MARCHF6: variants seen among roughly 807,000 people sequenced by gnomAD.
MARCHF6 encodes E3 ubiquitin-protein ligase MARCHF6.
A neutral mutation model predicts 133.7 loss-of-function variants in MARCHF6; 31 were observed. The observed-to-expected ratio is 0.23, with a 90% CI of 0.17 to 0.31. MARCHF6 has a LOEUF of 0.31. MARCHF6 is among the 10% of genes least tolerant of loss of function. MARCHF6 has a pLI of 1.00. For missense variants in MARCHF6, 723 were observed against 1,121.6 expected (o/e 0.64, Z 5.08); for synonymous variants, 395 against 402.5 (o/e 0.98, Z 0.22).
rs575196173 is a variant in MARCHF6, at chr5:10,374,995, T to C, written c.20-2803T>C. 5.3e-5 allele frequency among the ~76,000 whole-genome samples: 8 copies of C among 152,336 alleles called. No individual in the cohort carries two copies. In the East Asian group the frequency reaches 1.5e-3, roughly 29 times the overall value. ...GAGATTTTGAGAGGTGACAGCATGC[T>C]GGCAGTCCTCACAGCCCTCGCTTGC... On this transcript the variant is annotated intron_variant, in intron 1 of 25. Transcript: ENST00000274140.
intron 15 of MARCHF6, 25 bp from the exon 16 acceptor site, chr5:10,405,533 C>A: frequency 6.4e-7 from 1 of 1,570,370 alleles, no homozygotes; most frequent in Non-Finnish European, 8.6e-7. Context: ...GGTGAATATT[C>A]ATAGTATTTA....
intron 22 of MARCHF6, among the ~76,000 whole-genome samples, chr5:10,422,256 G>A (rs1739864239): frequency 2.0e-5 from 3 of 152,166 alleles, no homozygotes; most frequent in Admixed American, 2.0e-4. Context: ...ATGTTTTGGA[G>A]GAAACATCTA....
chr5:10,413,000 G>A (rs1299002825), intron 19 of MARCHF6, among the ~76,000 whole-genome samples: 1 of 152,126 alleles, frequency 6.6e-6, no homozygotes, highest in Non-Finnish European at 1.5e-5. Flanking sequence ...GGAGTGGTGG[G>A]AGATAACGCT....
rs1398425437 is a variant in MARCHF6 at position 10,391,625 on chromosome 5, A to G, written c.660A>G (p.Glu220=). ...NPPAENAVVG[E]NPDAQDDQAE... is the part of the protein sequence containing the mutation. ...CAGCTGAGAACGCAGTGGTGGGGGA[A>G]AACCCTGATGCCCAGGATGACCAGG... The change falls in exon 7 of 26, where the codon GAA becomes GAG. Residue 220 remains glutamate, a synonymous_variant. Transcript: ENST00000274140. 3.1e-6 allele frequency: 5 copies of G among 1,612,724 alleles called. No individual in the cohort carries two copies. Among genetic ancestry groups the G allele is most frequent in the East Asian group, 2.2e-5 (1 of 44,750 alleles).
chr5:10,384,104 G>GA (rs1737326337), intron 4 of MARCHF6, among the ~76,000 whole-genome samples: 3 of 151,984 alleles, frequency 2.0e-5, no homozygotes, highest in Non-Finnish European at 2.9e-5. Context: ...TGGCCGTACA[G>GA]AAAAAAAGAA....
chr5:10,420,152 G>T (rs1450656513), intron 22 of MARCHF6, among the ~76,000 whole-genome samples: 1 of 152,144 alleles, frequency 6.6e-6, no homozygotes, highest in East Asian at 1.9e-4. Context: ...GGCTTCTTAC[G>T]TTGTAGTTCA....
chr5:10,376,944 G>A (rs139262090), intron 1 of MARCHF6, among the ~76,000 whole-genome samples: 2 of 152,262 alleles, frequency 1.3e-5, no homozygotes, highest in African/African-American at 4.8e-5. Context: ...AGGCCACTAG[G>A]GATTGGCTCT....
chr5:10,426,619 T>C (rs986196787), intron 24 of MARCHF6, 97 bp downstream of exon 24: 10 of 1,286,338 alleles, frequency 7.8e-6, no homozygotes, highest in Admixed American at 7.0e-5. Flanking sequence ...CTCCATATGC[T>C]TTATTTGTAA....
intron 7 of MARCHF6, among the ~76,000 whole-genome samples, chr5:10,392,099 C>T (rs945681628): frequency 6.6e-6 from 1 of 151,974 alleles, no homozygotes. Flanking sequence ...GCTGGGACAA[C>T]AGGCGCTCGC....
intron 1 of MARCHF6, among the ~76,000 whole-genome samples, chr5:10,372,908 C>G (rs1736553611): frequency 6.6e-6 from 1 of 151,972 alleles, no homozygotes; most frequent in Non-Finnish European, 1.5e-5. Context: ...AAAAAGAAGT[C>G]TTAGGGGCTG....
intron 9 of MARCHF6, among the ~76,000 whole-genome samples, chr5:10,396,649 G>A (rs910282134): frequency 6.6e-6 from 1 of 152,192 alleles, no homozygotes; most frequent in African/African-American, 2.4e-5. Flanking sequence ...GTCAGTGTCA[G>A]CATGGGGCAT....
chr5:10,380,848 A>G (rs952497438), intron 3 of MARCHF6, among the ~76,000 whole-genome samples: 1 of 151,622 alleles, frequency 6.6e-6, no homozygotes, highest in Non-Finnish European at 1.5e-5. Context: ...AATCACTTGA[A>G]CCTGGGAGGC....
intron 5 of MARCHF6, among the ~76,000 whole-genome samples, chr5:10,388,318 CTTT>C (rs1418215420): frequency 6.6e-6 from 1 of 152,120 alleles, no homozygotes. Context: ...GACCAAACTA[CTTT>C]TTTTCTGAGT....
Position 10,353,829 on chromosome 5 carries a change from C to T in MARCHF6, c.-70C>T. 12 of 1,454,666 alleles carry T rather than the reference C, an allele frequency of 8.2e-6. No individual in the cohort carries two copies. The highest frequency in any genetic ancestry group is 1.1e-5 in the Non-Finnish European group (12 of 1,071,946). The allele number at this position is 1,454,666 out of a possible 1,614,324, so 90.1% of individuals were successfully genotyped here. A position where few individuals can be genotyped will look rare whatever the true frequency, so the allele number is the denominator to read the frequency against. On this transcript the variant is annotated 5_prime_UTR_variant, in exon 1 of 26. Coordinates refer to ENST00000274140, the MANE Select transcript of MARCHF6 (RefSeq NM_005885.4). ...TGCCCGGGCCCGGCTCCCTCCTCCTCTCCCCTCCCTCTTTCCCCGCCCGGC... is the reference window on the plus strand; with the variant it reads ...TGCCCGGGCCCGGCTCCCTCCTCCTTTCCCCTCCCTCTTTCCCCGCCCGGC...
chr5:10,430,676 A>G (rs1740320453), intron 25 of MARCHF6, among the ~76,000 whole-genome samples: 1 of 152,184 alleles, frequency 6.6e-6, no homozygotes. Flanking sequence ...ACAGTATATT[A>G]AACAGTTTTA....
chr5:10,406,970 G>C, intron 16 of MARCHF6, 132 bp from the exon 17 acceptor site: 1 of 502,074 alleles, frequency 2.0e-6, no homozygotes, highest in Admixed American at 3.1e-5. Context: ...AATGTGTAGA[G>C]TGGGAACCGC....
Position 10,359,556 on chromosome 5 carries a change from A to G in MARCHF6, c.19+5639A>G, listed in dbSNP as rs148601735. The stretch of plus-strand genomic sequence containing the variant: ...TTGCTCCTTCTAAGCTACACAGTTC[A>G]TCTTTTTTTAAATTGTTGTGAATTT... On this transcript the variant is annotated intron_variant, in intron 1 of 25. Coordinates refer to ENST00000274140, the MANE Select transcript of MARCHF6 (RefSeq NM_005885.4). Among the ~76,000 whole-genome samples the G allele has an allele frequency of 4.5e-3, 680 of 152,294 alleles. 2 individuals carry two copies. Among genetic ancestry groups the G allele is most frequent in the Middle Eastern group, 0.037 (11 of 294 alleles).
intron 1 of MARCHF6, among the ~76,000 whole-genome samples, chr5:10,363,272 A>T (rs1735933637): frequency 1.3e-5 from 2 of 152,338 alleles, no homozygotes; most frequent in Admixed American, 1.3e-4. Flanking sequence ...GATGTATCTT[A>T]TAAGGGGCTT....
chr5:10,384,503 C>A (rs553994575), intron 4 of MARCHF6, among the ~76,000 whole-genome samples: 22 of 152,276 alleles, frequency 1.4e-4, no homozygotes, highest in Admixed American at 9.8e-4. Flanking sequence ...ATACTAAGCT[C>A]TCCGTATCTG....
Sources: gnomAD v4.1 joint callset for allele counts (sites outside exome capture counted in the v4.1 genomes callset) on GRCh38, gnomAD v4.1.1 for gene constraint, MANE v1.5 for transcripts, NCBI Gene and HGNC (gene_info 2026-07-23, HGNC 2026-07-21) for gene names.